The following CDH12 variants were observed in gnomAD, a reference collection of about 807,000 sequenced individuals.
CDH12 encodes cadherin-12.
In CDH12, 41 loss-of-function variants were observed where a neutral mutation model predicts 74.1. That is an observed-to-expected ratio of 0.55 (90% CI 0.43 to 0.72). The LOEUF (loss-of-function observed/expected upper bound fraction) is 0.72. Among genes scored for constraint, CDH12 ranks in the 30% least tolerant of loss-of-function variants. The probability of loss-of-function intolerance (pLI) is 0.00; values close to 1 mark genes in which losing one functional copy is unlikely to be tolerated. For missense variants in CDH12, 945 were observed against 977.2 expected, an observed-to-expected ratio of 0.97 and a Z score of 0.44; for synonymous variants, 399 against 355.0, an observed-to-expected ratio of 1.12 and a Z score of -1.39.
intron 6 of CDH12, among the ~76,000 whole-genome samples, chr5:21,866,074 C>G (rs1219098658): frequency 1.3e-5 from 2 of 152,202 alleles, no homozygotes; most frequent in Non-Finnish European, 2.9e-5. Flanking sequence ...CTTGTCTTGT[C>G]TGCCACCATG....
chr5:22,739,642 C>G (rs1744920183), intron 1 of CDH12, among the ~76,000 whole-genome samples: 1 of 152,016 alleles, frequency 6.6e-6, no homozygotes, highest in Non-Finnish European at 1.5e-5. Context: ...AGGTACTATG[C>G]TGTAGAACAA....
chr5:22,199,824 C>T (rs1481293708), intron 4 of CDH12, among the ~76,000 whole-genome samples: 1 of 152,144 alleles, frequency 6.6e-6, no homozygotes, highest in Non-Finnish European at 1.5e-5. Flanking sequence ...AGATGTTTGC[C>T]TTTAGGGGCA....
intron 3 of CDH12, among the ~76,000 whole-genome samples, chr5:22,218,809 T>G (rs1391291128): frequency 2.0e-5 from 3 of 151,778 alleles, no homozygotes; most frequent in Admixed American, 2.0e-4. Context: ...ATTAAATGAT[T>G]AATAACAGAT....
At chr5:22,734,895 C>G (rs2127008560) in intron 1 of CDH12, among the ~76,000 whole-genome samples, 1 of 152,030 alleles carries the variant, frequency 6.6e-6, no homozygotes, top group East Asian at 1.9e-4. Flanking sequence ...ATCAATAAGA[C>G]AATGAGTGCA....
At chr5:22,665,655 T>C (rs532256216) in intron 1 of CDH12, among the ~76,000 whole-genome samples, 1 of 152,322 alleles carries the variant, frequency 6.6e-6, no homozygotes, top group Non-Finnish European at 1.5e-5. Flanking sequence ...TCCATCCCAC[T>C]GATAAATGAC....
Position 22,586,550 on chromosome 5 carries a change from T to C in CDH12, c.-522-81186A>G, listed in dbSNP as rs1169361042. Among the ~76,000 whole-genome samples, 3 of 149,344 alleles carry C rather than the reference T, an allele frequency of 2.0e-5. No homozygotes were observed. In the East Asian group the frequency reaches 6.1e-4, roughly 30 times the overall value. On this transcript the variant is annotated intron_variant, in intron 1 of 14. Transcript: ENST00000382254. ...GTAAAATATTTCTGCAAAAGAGATA[T>C]GGGGATTTAGAAAAAATTATTGAAA... is the stretch of plus-strand genomic sequence containing the variant.
intron 5 of CDH12, among the ~76,000 whole-genome samples, chr5:22,073,047 T>A (rs367891599): frequency 2.0e-5 from 3 of 152,200 alleles, no homozygotes; most frequent in South Asian, 4.1e-4. Flanking sequence ...TAAGTATATG[T>A]CTGTAAAGCA....
intron 5 of CDH12, among the ~76,000 whole-genome samples, chr5:22,055,449 T>C (rs991840112): frequency 6.6e-6 from 1 of 152,204 alleles, no homozygotes; most frequent in South Asian, 2.1e-4. Flanking sequence ...TCTAAGCTCA[T>C]ATTTTACTTT....
At chr5:22,793,289 C>A (rs934243292) in intron 1 of CDH12, among the ~76,000 whole-genome samples, 9 of 152,126 alleles carry the variant, frequency 5.9e-5, no homozygotes, top group Admixed American at 1.3e-4. Flanking sequence ...CTGGTTTTGG[C>A]CCTTCACTCT....
At chr5:22,477,502 G>T (rs1352796936) in intron 2 of CDH12, among the ~76,000 whole-genome samples, 1 of 152,116 alleles carries the variant, frequency 6.6e-6, no homozygotes, top group South Asian at 2.1e-4. Context: ...GGACACTTAG[G>T]TTGATTCCAT....
At chr5:22,207,785 A>C (rs1751299134) in intron 4 of CDH12, among the ~76,000 whole-genome samples, 1 of 152,188 alleles carries the variant, frequency 6.6e-6, no homozygotes, top group Admixed American at 6.5e-5. Flanking sequence ...TTATATAAAC[A>C]CAGTGTTATG....
chr5:22,512,339 C>A (rs1736647150), intron 1 of CDH12, among the ~76,000 whole-genome samples: 1 of 152,008 alleles, frequency 6.6e-6, no homozygotes, highest in Non-Finnish European at 1.5e-5. Context: ...AAGATAAATC[C>A]TCTTGTAATT....
intron 3 of CDH12, among the ~76,000 whole-genome samples, chr5:22,272,274 T>C (rs1395771291): frequency 1.3e-5 from 2 of 152,206 alleles, no homozygotes; most frequent in East Asian, 3.9e-4. Flanking sequence ...AGATTCCAAC[T>C]TTTCTGCAGC....
chr5:22,670,374 TATC>T (rs1275873158), intron 1 of CDH12, among the ~76,000 whole-genome samples: 4 of 152,146 alleles, frequency 2.6e-5, no homozygotes, highest in African/African-American at 9.7e-5. Context: ...ATTACAAAAG[TATC>T]ATATTTTTAA....
chr5:21,998,077 G>A (rs1435426778), intron 5 of CDH12, among the ~76,000 whole-genome samples: 2 of 152,076 alleles, frequency 1.3e-5, no homozygotes, highest in Non-Finnish European at 2.9e-5. Context: ...ATATCTGTAT[G>A]TGAAGGAGAC....
intron 6 of CDH12, among the ~76,000 whole-genome samples, chr5:21,908,398 T>G (rs7723448): frequency 6.6e-6 from 1 of 152,072 alleles, no homozygotes; most frequent in East Asian, 1.9e-4. Flanking sequence ...CTGGGCTCTT[T>G]TGCGGAGCTA....
At chr5:21,951,664 C>A (rs1222231611) in intron 6 of CDH12, among the ~76,000 whole-genome samples, 1 of 152,184 alleles carries the variant, frequency 6.6e-6, no homozygotes, top group African/African-American at 2.4e-5. Context: ...ATGCAAAATG[C>A]AAGTAAATAA....
intron 5 of CDH12, among the ~76,000 whole-genome samples, chr5:22,064,429 T>C (rs571530460): frequency 6.6e-6 from 1 of 152,290 alleles, no homozygotes; most frequent in East Asian, 1.9e-4. Context: ...GAACAGAATC[T>C]TAAGAATAAG....
At chr5:22,507,588 C>A in intron 1 of CDH12, among the ~76,000 whole-genome samples, 1 of 152,262 alleles carries the variant, frequency 6.6e-6, no homozygotes, top group South Asian at 2.1e-4. Context: ...CCCTGTCAAA[C>A]AAAATCTTTA....
Sources: gnomAD v4.1 joint callset for allele counts (sites outside exome capture counted in the v4.1 genomes callset) on GRCh38, gnomAD v4.1.1 for gene constraint, MANE v1.5 for transcripts, NCBI Gene and HGNC (gene_info 2026-07-23, HGNC 2026-07-21) for gene names.